Variants in LINGO2 observed in about 807,000 individuals in gnomAD.
LINGO2 encodes the protein leucine rich repeat and Ig domain containing 2.
In LINGO2, 14 loss-of-function variants were observed where a neutral mutation model predicts 30.6. That is an observed-to-expected ratio of 0.46 (90% CI 0.30 to 0.72). The LOEUF is 0.72. LINGO2 is among the 30% of genes least tolerant of loss of function. The pLI is 0.07. For missense variants in LINGO2, 729 were observed against 751.7 expected, an observed-to-expected ratio of 0.97 and a Z score of 0.35; for synonymous variants, 317 against 288.5, an observed-to-expected ratio of 1.10 and a Z score of -1.00.
intron 4 of LINGO2, among the ~76,000 whole-genome samples, chr9:28,205,002 T>C (rs1820362174): frequency 6.6e-6 from 1 of 152,270 alleles, no homozygotes; most frequent in Non-Finnish European, 1.5e-5. Context: ...TGCTCTTGAA[T>C]TTCAAGCAAT....
the LINGO2 span, among the ~76,000 whole-genome samples, chr9:28,680,797 G>A: frequency 3.3e-5 from 5 of 151,898 alleles, no homozygotes; most frequent in Admixed American, 1.3e-4. Context: ...CAGATCCTTT[G>A]CCCATTTTTA....
At chr9:28,969,000 A>T in the LINGO2 span, among the ~76,000 whole-genome samples, 2 of 152,222 alleles carry the variant, frequency 1.3e-5, no homozygotes, top group Non-Finnish European at 2.9e-5. Flanking sequence ...AGTATATAAC[A>T]TAGTGATGCC....
intron 1 of LINGO2, among the ~76,000 whole-genome samples, chr9:28,585,422 A>G (rs537969652): frequency 6.6e-6 from 1 of 152,148 alleles, no homozygotes; most frequent in Non-Finnish European, 1.5e-5. Context: ...TAATCCAGAC[A>G]GTCCCTAACT....
At chr9:28,970,526 C>G in the LINGO2 span, among the ~76,000 whole-genome samples, 1 of 152,084 alleles carries the variant, frequency 6.6e-6, no homozygotes, top group Non-Finnish European at 1.5e-5. Flanking sequence ...ACCCCTCCCC[C>G]ACCCCCCAGC....
At chr9:28,691,117 A>G in the LINGO2 span, among the ~76,000 whole-genome samples, 1 of 152,218 alleles carries the variant, frequency 6.6e-6, no homozygotes, top group Non-Finnish European at 1.5e-5. Flanking sequence ...GTTTTGGTTA[A>G]GACAGTTTGA....
At chr9:29,144,481 T>C in the LINGO2 span, among the ~76,000 whole-genome samples, 1 of 151,992 alleles carries the variant, frequency 6.6e-6, no homozygotes, top group Admixed American at 6.6e-5. Context: ...ACTGGAAGTA[T>C]ATTAGAGATG....
intron 4 of LINGO2, among the ~76,000 whole-genome samples, chr9:28,069,714 A>C (rs932701657): frequency 1.3e-5 from 2 of 152,182 alleles, no homozygotes; most frequent in Non-Finnish European, 2.9e-5. Flanking sequence ...AAAGAGTAGC[A>C]GCATTTAGTG....
At chr9:28,220,402 T>A (rs1036186007) in intron 4 of LINGO2, among the ~76,000 whole-genome samples, 1 of 152,108 alleles carries the variant, frequency 6.6e-6, no homozygotes, top group South Asian at 2.1e-4. Context: ...GCAAGTTCTA[T>A]GAGAAAATAA....
At chr9:28,568,581 T>C (rs969443109) in intron 1 of LINGO2, among the ~76,000 whole-genome samples, 16 of 152,042 alleles carry the variant, frequency 1.1e-4, no homozygotes, top group Non-Finnish European at 1.9e-4. Flanking sequence ...CAAGAGAATT[T>C]TAAAAGCAGC....
the LINGO2 span, among the ~76,000 whole-genome samples, chr9:29,017,184 G>A: frequency 1.3e-5 from 2 of 149,724 alleles, no homozygotes; most frequent in African/African-American, 4.9e-5. Flanking sequence ...ATGTAATTAA[G>A]GAAGACTCTG....
the LINGO2 span, among the ~76,000 whole-genome samples, chr9:28,899,015 G>T: frequency 6.6e-6 from 1 of 151,866 alleles, no homozygotes; most frequent in Non-Finnish European, 1.5e-5. Flanking sequence ...GGACCTCCCA[G>T]TGTTTGTCTC....
At chr9:28,022,830 T>C (rs1471913075) in intron 4 of LINGO2, among the ~76,000 whole-genome samples, 3 of 151,772 alleles carry the variant, frequency 2.0e-5, no homozygotes, top group African/African-American at 7.3e-5. Flanking sequence ...ATATACCTTT[T>C]GAAATTGTCC....
chr9:28,966,469 G>C, the LINGO2 span, among the ~76,000 whole-genome samples: 3 of 152,122 alleles, frequency 2.0e-5, no homozygotes, highest in Admixed American at 6.5e-5. Flanking sequence ...ATAAAGCAAG[G>C]TTGGTGATAA....
At chr9:28,109,273 A>T (rs1271867882) in intron 4 of LINGO2, among the ~76,000 whole-genome samples, 1 of 152,198 alleles carries the variant, frequency 6.6e-6, no homozygotes, top group Non-Finnish European at 1.5e-5. Context: ...TTTATGTCAA[A>T]CCCACAGACA....
chr9:28,385,304 C>A (rs1177058106), intron 2 of LINGO2, among the ~76,000 whole-genome samples: 2 of 152,110 alleles, frequency 1.3e-5, no homozygotes, highest in Non-Finnish European at 2.9e-5. Flanking sequence ...TAATTAACCT[C>A]ACCTGAAGTG....
At chr9:28,216,249 C>T (rs1311799728) in intron 4 of LINGO2, among the ~76,000 whole-genome samples, 1 of 151,850 alleles carries the variant, frequency 6.6e-6, no homozygotes, top group Admixed American at 6.6e-5. Context: ...CCATGGATAG[C>T]TTTTCTAATT....
intron 4 of LINGO2, among the ~76,000 whole-genome samples, chr9:28,050,372 AAATATTT>A (rs1587770042): frequency 6.6e-6 from 1 of 150,778 alleles, no homozygotes; most frequent in Non-Finnish European, 1.5e-5. Flanking sequence ...CTTGACAGCA[AAATATTT>A]AATATCTAAT....
At chr9:28,047,014 C>A (rs1386714685) in intron 4 of LINGO2, among the ~76,000 whole-genome samples, 1 of 152,060 alleles carries the variant, frequency 6.6e-6, no homozygotes, top group Non-Finnish European at 1.5e-5. Flanking sequence ...TGGGAATAGG[C>A]CTCCCCTAGC....
At chr9:28,500,031 A>G (rs972567075) in intron 1 of LINGO2, among the ~76,000 whole-genome samples, 21 of 152,148 alleles carry the variant, frequency 1.4e-4, no homozygotes, top group African/African-American at 4.8e-4. Flanking sequence ...TTTCCCCTTC[A>G]GTAGCAACCT....
Sources: allele counts gnomAD v4.1 joint callset (sites outside exome capture counted in the v4.1 genomes callset), GRCh38; gene constraint gnomAD v4.1.1; transcripts MANE v1.5; gene names NCBI Gene and HGNC (gene_info 2026-07-23, HGNC 2026-07-21).